DNAAF4: variants seen among roughly 807,000 people sequenced by gnomAD.
DNAAF4 encodes the protein dynein axonemal assembly factor 4, also known as dynein assembly factor 4, axonemal.
A neutral mutation model predicts 51.8 loss-of-function variants in DNAAF4; 43 were observed. That is an observed-to-expected ratio of 0.83 (90% CI 0.65 to 1.07). The LOEUF (loss-of-function observed/expected upper bound fraction) is 1.07. Ranked by LOEUF, DNAAF4 falls within the 50% of genes least tolerant of loss-of-function variation. The pLI is 0.00. For synonymous variants in DNAAF4, 194 were observed against 165.6 expected (o/e 1.17, Z -1.32); for missense variants, 581 against 493.0 (o/e 1.18, Z -1.69).
intron 3 of DNAAF4, among the ~76,000 whole-genome samples, chr15:55,492,037 T>C (rs1293219149): frequency 1.3e-5 from 2 of 151,304 alleles, no homozygotes; most frequent in African/African-American, 4.8e-5. Flanking sequence ...TTAAATTTTA[T>C]GTAGAGACGA....
chr15:55,505,942 T>C (rs947837450), intron 1 of DNAAF4, among the ~76,000 whole-genome samples: 1 of 152,110 alleles, frequency 6.6e-6, no homozygotes, highest in Non-Finnish European at 1.5e-5. Context: ...TGTTGTACAT[T>C]TTATCCAGAA....
At chr15:55,484,828 G>T (rs907133464) in intron 4 of DNAAF4, among the ~76,000 whole-genome samples, 1 of 152,146 alleles carries the variant, frequency 6.6e-6, no homozygotes, top group Non-Finnish European at 1.5e-5. Flanking sequence ...GGGCTGGGAG[G>T]CTAGGCCAGT....
intron 6 of DNAAF4, among the ~76,000 whole-genome samples, chr15:55,443,642 AACT>A (rs1365975633): frequency 3.3e-5 from 5 of 152,280 alleles, no homozygotes; most frequent in Middle Eastern, 3.4e-3. Flanking sequence ...ACAATGGTTG[AACT>A]AGTTTACAGT....
chr15:55,475,171 A>G (rs771137331), intron 4 of DNAAF4, among the ~76,000 whole-genome samples: 2 of 152,240 alleles, frequency 1.3e-5, no homozygotes, highest in Non-Finnish European at 2.9e-5. Flanking sequence ...CAAAATACCA[A>G]GAGGACTTCT....
chr15:55,480,209 G>A (rs1002852137), intron 4 of DNAAF4, among the ~76,000 whole-genome samples: 2 of 152,102 alleles, frequency 1.3e-5, no homozygotes, highest in African/African-American at 2.4e-5. Flanking sequence ...CTACCGATAT[G>A]TGATGTCACC....
At chr15:55,482,089 A>G (rs2058419132) in intron 4 of DNAAF4, among the ~76,000 whole-genome samples, 1 of 152,234 alleles carries the variant, frequency 6.6e-6, no homozygotes, top group Non-Finnish European at 1.5e-5. Context: ...CTTTTGCTTC[A>G]GTAAACCTGC....
At chr15:55,453,964 C>T (rs2057978028) in intron 5 of DNAAF4, among the ~76,000 whole-genome samples, 1 of 152,000 alleles carries the variant, frequency 6.6e-6, no homozygotes, top group Non-Finnish European at 1.5e-5. Context: ...GAAGATAGAT[C>T]TGAGGATATT....
At chr15:55,494,710 C>CTTAA (rs1476575459) in intron 3 of DNAAF4, among the ~76,000 whole-genome samples, 1 of 152,166 alleles carries the variant, frequency 6.6e-6, no homozygotes, top group Non-Finnish European at 1.5e-5. Context: ...CTGCGCTGAG[C>CTTAA]TTAAGTCAGT....
At chr15:55,434,788 A>G in intron 8 of DNAAF4, 117 bp downstream of exon 8, 1 of 942,114 alleles carries the variant, frequency 1.1e-6, no homozygotes, top group Non-Finnish European at 1.5e-6. Context: ...TAAGAAAGAC[A>G]ATCTTTAAAA....
chr15:55,494,619 C>A (rs2058616429), intron 3 of DNAAF4, among the ~76,000 whole-genome samples: 1 of 151,484 alleles, frequency 6.6e-6, no homozygotes, highest in Non-Finnish European at 1.5e-5. Flanking sequence ...ACCATGTTGG[C>A]CAGGCTGGTC....
chr15:55,434,171 C>T (rs1275369004), intron 8 of DNAAF4, among the ~76,000 whole-genome samples: 6 of 147,394 alleles, frequency 4.1e-5, no homozygotes, highest in African/African-American at 1.5e-4. Context: ...TATCATTTCA[C>T]ATCTCCACAG....
At chr15:55,448,247 C>T (rs1401425031) in intron 6 of DNAAF4, among the ~76,000 whole-genome samples, 1 of 152,030 alleles carries the variant, frequency 6.6e-6, no homozygotes, top group Non-Finnish European at 1.5e-5. Flanking sequence ...AGCCTTGCAT[C>T]CCAGGGATGA....
rs1048536502 is a variant in DNAAF4, at chr15:55,448,146, T to G, written c.783+2076A>C. On this transcript the variant is annotated intron_variant, in intron 6 of 9. Transcript: ENST00000321149. Reference sequence around the variant, plus strand: ...GTGCTGTTGAATTTTGTCAAAGGCCTTTTCTGCATCTGGTGAGATAATCAT... The same window carrying G: ...GTGCTGTTGAATTTTGTCAAAGGCCGTTTCTGCATCTGGTGAGATAATCAT... Among the ~76,000 whole-genome samples, 3 of 152,268 alleles carry G rather than the reference T, an allele frequency of 2.0e-5. No homozygotes were observed. In the South Asian group the frequency reaches 6.2e-4, roughly 32 times the overall value.
chr15:55,464,757 CA>C (rs1164227599), intron 5 of DNAAF4, among the ~76,000 whole-genome samples: 4 of 152,118 alleles, frequency 2.6e-5, no homozygotes, highest in African/African-American at 9.7e-5. Flanking sequence ...CACCTGAGGT[CA>C]AGAGTTCGAG....
intron 5 of DNAAF4, 63 bp downstream of exon 5, chr15:55,466,867 G>T: frequency 6.4e-7 from 1 of 1,554,566 alleles, no homozygotes; most frequent in East Asian, 2.3e-5. Flanking sequence ...TACAAAAAAA[G>T]AAAAGCGTCA....
At chr15:55,482,403 G>A (rs932039213) in intron 4 of DNAAF4, among the ~76,000 whole-genome samples, 4 of 152,110 alleles carry the variant, frequency 2.6e-5, no homozygotes, top group East Asian at 1.9e-4. Flanking sequence ...AAGGCCAGGC[G>A]TGGTGGCTCA....
At chr15:55,483,136 G>A (rs866964447) in intron 4 of DNAAF4, among the ~76,000 whole-genome samples, 7 of 151,890 alleles carry the variant, frequency 4.6e-5, no homozygotes, top group Non-Finnish European at 8.8e-5. Flanking sequence ...TTGCTCTGTC[G>A]CTTAGGCTGT....
chr15:55,463,659 T>A (rs1391545132), intron 5 of DNAAF4, among the ~76,000 whole-genome samples: 1 of 151,684 alleles, frequency 6.6e-6, no homozygotes, highest in Admixed American at 6.6e-5. Flanking sequence ...AGGCTGAGAA[T>A]CACATCAAGA....
At chr15:55,492,187 A>G (rs2058583360) in intron 3 of DNAAF4, among the ~76,000 whole-genome samples, 2 of 138,028 alleles carry the variant, frequency 1.4e-5, no homozygotes. Context: ...GATGTGGCCC[A>G]AAGTTTCACA....
Sources: allele counts gnomAD v4.1 joint callset (sites outside exome capture counted in the v4.1 genomes callset), GRCh38; gene constraint gnomAD v4.1.1; transcripts MANE v1.5; gene names NCBI Gene and HGNC (gene_info 2026-07-23, HGNC 2026-07-21).